The following FOXA2 variants were observed in gnomAD, a reference collection of about 807,000 sequenced individuals.
FOXA2 encodes the protein hepatocyte nuclear factor 3-beta.
Under a neutral mutation model 33.3 loss-of-function variants are expected in FOXA2, and 9 were observed. The observed-to-expected ratio is 0.27, with a 90% CI of 0.16 to 0.47. The LOEUF is 0.47. Among genes scored for constraint, FOXA2 ranks in the 20% least tolerant of loss-of-function variants. FOXA2 has a pLI of 0.99. For missense variants in FOXA2, 704 were observed against 659.9 expected (o/e 1.07, Z -0.73); for synonymous variants, 329 against 289.4 (o/e 1.14, Z -1.39).
Position 22,582,231 on chromosome 20 carries a change from G to T in FOXA2, c.1011C>A (p.Ser337Arg). The T allele has an allele frequency of 3.4e-6, 5 of 1,486,064 alleles. No homozygotes were observed. Among genetic ancestry groups the T allele is most frequent in the Non-Finnish European group, 4.5e-6 (5 of 1,123,276 alleles). 92.1% of individuals were successfully genotyped at this position (1,486,064 alleles called of 1,614,324 possible). A position where few individuals can be genotyped will look rare whatever the true frequency, so the allele number is the denominator to read the frequency against. Residue 337 changes from serine (S) to arginine (R), a missense_variant, in exon 2 of 2, where the codon AGC becomes AGA. Physicochemically the swap from Ser to Arg is moderately radical, Grantham distance 110. This residue lies in a region of FOXA2 where 343 missense variants were observed against 274.8 expected (regional missense o/e 1.25). Coordinates refer to ENST00000419308, the MANE Select transcript of FOXA2 (RefSeq NM_021784.5). Reference protein sequence around the residue: ...ELKGTPAAALSPPEPAPSPGQ... With the variant: ...ELKGTPAAALRPPEPAPSPGQ... The stretch of plus-strand genomic sequence containing the variant: ...CGGGAGAGGGCGCCGGCTCTGGGGG[G>T]CTCAGCGCCGCAGCCGGCGTCCCCT...
rs922717603 is a variant in FOXA2 at position 22,584,404 on chromosome 20, T to C, written c.-126A>G. 24 of 572,756 alleles carry C rather than the reference T, an allele frequency of 4.2e-5. No individual in the cohort carries two copies. Among genetic ancestry groups the C allele is most frequent in the Non-Finnish European group, 5.5e-5 (18 of 325,238 alleles). The allele number at this position is 572,756 out of a possible 1,614,324, so 35.5% of individuals were successfully genotyped here. On this transcript the variant is annotated 5_prime_UTR_variant, in exon 1 of 2. Transcript: ENST00000419308. ...CTCCCTCTCTCGCGCTCCCTCTCCC[T>C]GGGCTCCACTCCCTCTCTCTCCCTG...
rs955822437 is a variant in FOXA2, at chr20:22,582,767, G to A, written c.475C>T (p.Arg159Cys). 6.2e-7 allele frequency: 1 copy of A among 1,614,144 alleles called. No individual in the cohort carries two copies. The highest frequency in any genetic ancestry group is 8.5e-7 in the Non-Finnish European group (1 of 1,180,002). The change falls in exon 2 of 2, where the codon CGC (arginine) becomes TGC (cysteine). Residue 159 changes from arginine to cysteine, a missense_variant. Arg to Cys is a radical substitution (Grantham distance 180, BLOSUM62 -3). Transcript: ENST00000419308. ...GGCGGCTTTGCGTGCGTGTAGCTGC[G>A]CCTGTAGGTCTTGGGGTCGCGGGCG... ...SRARDPKTYR[R>C]SYTHAKPPYS...
At chr20:22,583,204 G>A (rs1449891970) in intron 1 of FOXA2, 50 bp from the exon 2 acceptor site, 1 of 1,594,396 alleles carries the variant, frequency 6.3e-7, no homozygotes, top group Non-Finnish European at 8.5e-7. Flanking sequence ...ACCGCGGCTG[G>A]AGGGTGCCCA....
intron 1 of FOXA2, among the ~76,000 whole-genome samples, chr20:22,583,397 C>T (rs1255431273): frequency 6.6e-6 from 1 of 152,226 alleles, no homozygotes; most frequent in Non-Finnish European, 1.5e-5. Context: ...TAGCCCTTCT[C>T]CACCTCGCCC....
In FOXA2 at chr20:22,582,159, G is replaced by C; in HGVS notation, c.1083C>G (p.His361Gln). Residue 361 changes from histidine (H) to glutamine (Q), a missense_variant, in exon 2 of 2, where the codon CAC becomes CAG. This residue lies in a region of FOXA2 where 343 missense variants were observed against 274.8 expected (regional missense o/e 1.25). Transcript: ENST00000419308. ...GGTGGGCCTCAGGCGGCAGGCCCGG[G>C]TGGTGGGGCGGGCCCAGCAGGTGGG... ...AAAHLLGPPH[H>Q]PGLPPEAHLK... is the part of the protein sequence containing the mutation. 1 of 1,562,872 alleles carries C rather than the reference G, an allele frequency of 6.4e-7. No homozygotes were observed. The highest frequency in any genetic ancestry group is 8.7e-7 in the Non-Finnish European group (1 of 1,152,988).
intron 1 of FOXA2, 67 bp downstream of exon 1, chr20:22,584,125 G>A (rs978999086): frequency 2.0e-6 from 3 of 1,483,182 alleles, no homozygotes; most frequent in African/African-American, 1.4e-5. Flanking sequence ...CGAGGGAAGC[G>A]GTCCTGAGGT....
In FOXA2 at chr20:22,581,460, A is replaced by ATT; in HGVS notation, c.*388_*389dup. 10 of 155,032 alleles carry ATT rather than the reference A, an allele frequency of 6.5e-5. No homozygotes were observed. The highest frequency in any genetic ancestry group is 1.3e-4 in the Admixed American group (2 of 15,126). The allele number at this position is 155,032 out of a possible 1,614,324, so 9.6% of individuals were successfully genotyped here. A position where few individuals can be genotyped will look rare whatever the true frequency, so the allele number is the denominator to read the frequency against. ...GGTTTTACACCGAGTCACTCACAAA[A>ATT]TTTTTTTTTTTTTTTAAGTAAGACT... On this transcript the variant is annotated 3_prime_UTR_variant, in exon 2 of 2. Coordinates refer to ENST00000419308, the MANE Select transcript of FOXA2 (RefSeq NM_021784.5).
In FOXA2 at chr20:22,584,450, T is replaced by G. The variant is rs2122998944; in HGVS notation, c.-172A>C. The G allele has an allele frequency of 2.8e-5, 12 of 424,830 alleles. No individual in the cohort carries two copies. Among genetic ancestry groups the G allele is most frequent in the East Asian group, 5.7e-5 (1 of 17,668 alleles). The allele number at this position is 424,830 out of a possible 1,614,324, so 26.3% of individuals were successfully genotyped here. A position where few individuals can be genotyped will look rare whatever the true frequency, so the allele number is the denominator to read the frequency against. On this transcript the variant is annotated 5_prime_UTR_variant, in exon 1 of 2. Coordinates refer to ENST00000419308, the MANE Select transcript of FOXA2 (RefSeq NM_021784.5). ...CCCTGGGCAGGCCGGAGGCGGTAGTTGGAAGTGGGCGGGAGGTGGGGGGGG... is the reference window on the plus strand; with the variant it reads ...CCCTGGGCAGGCCGGAGGCGGTAGTGGGAAGTGGGCGGGAGGTGGGGGGGG...
chr20:22,581,856 G>A lies in FOXA2; in HGVS notation c.1386C>T (p.Ser462=). ...QGVYSRPIMN[S]S is the part of the protein sequence containing the mutation. The stretch of plus-strand genomic sequence containing the variant: ...GCCTGAAGCCGTCGTCTTCTTAAGA[G>A]GAGTTCATAATGGGCCGGGAGTACA... The change falls in exon 2 of 2, where the codon TCC becomes TCT. Residue 462 remains serine (S), a synonymous_variant. Transcript: ENST00000419308. 6.2e-7 allele frequency: 1 copy of A among 1,608,096 alleles called. No individual in the cohort carries two copies. The highest frequency in any genetic ancestry group is 1.1e-5 in the South Asian group (1 of 90,902).
In FOXA2 at chr20:22,582,069, C is replaced by G; in HGVS notation, c.1173G>C (p.Glu391Asp). ...PFSINNLMSS[E>D]QQHHHSHHHH... ...GGTGGTGGCTGTGGTGGTGCTGCTG[C>G]TCCGAGGACATGAGGTTGTTGATGG... The change falls in exon 2 of 2, where the codon GAG (glutamate) becomes GAC (aspartate). Residue 391 changes from glutamate (E) to aspartate (D), a missense_variant. Physicochemically the swap from Glu to Asp is conservative, Grantham distance 45. Coordinates refer to ENST00000419308, the MANE Select transcript of FOXA2 (RefSeq NM_021784.5). 1 of 1,613,752 alleles carries G rather than the reference C, an allele frequency of 6.2e-7. No homozygotes were observed.
Position 22,582,347 on chromosome 20 carries a change from G to T in FOXA2, c.895C>A (p.Pro299Thr). ...SQAQLGEAAG[P>T]ASETPAGTES... The stretch of plus-strand genomic sequence containing the variant: ...GTGCCCGCCGGAGTCTCGGAGGCCG[G>T]CCCGGCGGCCTCCCCGAGTTGAGCC... Residue 299 changes from proline (P) to threonine (T), a missense_variant, in exon 2 of 2, where the codon CCG becomes ACG. Physicochemically the swap from Pro to Thr is conservative, Grantham distance 38 (BLOSUM62 -1). Around this residue, in one of 5 missense-constraint regions of FOXA2, gnomAD observed 343 missense variants for 274.8 expected, o/e 1.25. Coordinates refer to ENST00000419308, the MANE Select transcript of FOXA2 (RefSeq NM_021784.5). The T allele has an allele frequency of 6.8e-7, 1 of 1,480,522 alleles. No individual in the cohort carries two copies. 91.7% of individuals were successfully genotyped at this position (1,480,522 alleles called of 1,614,324 possible). A position where few individuals can be genotyped will look rare whatever the true frequency, so the allele number is the denominator to read the frequency against.
At position 22,582,004 on chromosome 20, in the gene FOXA2, T is replaced by G; in HGVS notation, c.1238A>C (p.Gln413Pro). Residue 413 changes from glutamine (Q) to proline (P), a missense_variant, in exon 2 of 2, where the codon CAG becomes CCG. Gln to Pro is a moderately conservative substitution (Grantham distance 76). This residue lies in a region of FOXA2 where 343 missense variants were observed against 274.8 expected (regional missense o/e 1.25). Coordinates refer to ENST00000419308, the MANE Select transcript of FOXA2 (RefSeq NM_021784.5). ...ACCGTAGCCGGGGTAGTGCATCACC[T>G]GTTCGTAGGCCTTGAGGTCCATTTT... ...PHKMDLKAYE[Q>P]VMHYPGYGSP... 6.2e-7 allele frequency: 1 copy of G among 1,614,190 alleles called. No homozygotes were observed. The highest frequency in any genetic ancestry group is 2.2e-5 in the East Asian group (1 of 44,858).
rs1984551185 is a variant in FOXA2 at position 22,581,031 on chromosome 20, G to A, written c.*819C>T. On this transcript the variant is annotated 3_prime_UTR_variant, in exon 2 of 2. Coordinates refer to ENST00000419308, the MANE Select transcript of FOXA2 (RefSeq NM_021784.5). ...TGTCTGAAAATTTTATTAATAAAAT[G>A]TTGGGAAAACAGCAACACTCCCTGG... is the stretch of plus-strand genomic sequence containing the variant. 6.6e-6 allele frequency: 1 copy of A among 152,192 alleles called. No homozygotes were observed. The highest frequency in any genetic ancestry group is 1.5e-5 in the Non-Finnish European group (1 of 68,038). 9.4% of individuals were successfully genotyped at this position (152,192 alleles called of 1,614,324 possible).
At position 22,581,673 on chromosome 20, in the gene FOXA2, G is replaced by A. The variant is rs1974; in HGVS notation, c.*177C>T. On this transcript the variant is annotated 3_prime_UTR_variant, in exon 2 of 2. Coordinates refer to ENST00000419308, the MANE Select transcript of FOXA2 (RefSeq NM_021784.5). ...TGTGGCCCTCTGTTTGGGACGGAAC[G>A]GCTGCAGCGGGTGAAGAAGACTGCT... 55,141 of 607,368 alleles carry A rather than the reference G, an allele frequency of 0.091. 6,507 individuals are homozygous for A. Among genetic ancestry groups the A allele is most frequent in the African/African-American group, 0.43 (23,195 of 53,776 alleles). 37.6% of individuals were successfully genotyped at this position (607,368 alleles called of 1,614,324 possible). A position where few individuals can be genotyped will look rare whatever the true frequency, so the allele number is the denominator to read the frequency against.
upstream of FOXA2, among the ~76,000 whole-genome samples, chr20:22,584,674 G>GAGGAGAAGA (rs1156837453): frequency 8.5e-6 from 1 of 117,706 alleles, no homozygotes; most frequent in Non-Finnish European, 1.8e-5. Context: ...GGTGGTGGTG[G>GAGGAGAAGA]AGGAGGAGGA....
chr20:22,581,144 A>C lies in FOXA2; in HGVS notation c.*706T>G, dbSNP rs1453009378. 1.3e-5 allele frequency: 2 copies of C among 152,680 alleles called. No homozygotes were observed. Among genetic ancestry groups the C allele is most frequent in the Non-Finnish European group, 2.9e-5 (2 of 68,044 alleles). 9.5% of individuals were successfully genotyped at this position (152,680 alleles called of 1,614,324 possible). A position where few individuals can be genotyped will look rare whatever the true frequency, so the allele number is the denominator to read the frequency against. On this transcript the variant is annotated 3_prime_UTR_variant, in exon 2 of 2. Coordinates refer to ENST00000419308, the MANE Select transcript of FOXA2 (RefSeq NM_021784.5). ...CCAAGCCTGTATATTTTGTAAGCCA[A>C]GTAAAGAAAAGAAAAATCTGGAAGA...
At position 22,582,954 on chromosome 20, in the gene FOXA2, C is replaced by G; in HGVS notation, c.288G>C (p.Met96Ile). The G allele has an allele frequency of 6.3e-7, 1 of 1,595,154 alleles. No homozygotes were observed. Among genetic ancestry groups the G allele is most frequent in the Non-Finnish European group, 8.5e-7 (1 of 1,174,360 alleles). Residue 96 changes from methionine (M) to isoleucine (I), a missense_variant, in exon 2 of 2, where the codon ATG becomes ATC. Transcript: ENST00000419308. ...CGCCGGCCGCCCCGGCCGAGCCGCCCATGCCCGCCATGGCGCCCGCGCCGG... is the reference window on the plus strand; with the variant it reads ...CGCCGGCCGCCCCGGCCGAGCCGCCGATGCCCGCCATGGCGCCCGCGCCGG... ...MSPGAGAMAGMGGSAGAAGVA... is the reference protein window; with the variant it reads ...MSPGAGAMAGIGGSAGAAGVA...
At position 22,584,336 on chromosome 20, in the gene FOXA2, C is replaced by T; in HGVS notation, c.-58G>A. 1 of 1,473,600 alleles carries T rather than the reference C, an allele frequency of 6.8e-7. No individual in the cohort carries two copies. Among genetic ancestry groups the T allele is most frequent in the Non-Finnish European group, 9.4e-7 (1 of 1,063,822 alleles). The allele number at this position is 1,473,600 out of a possible 1,614,324, so 91.3% of individuals were successfully genotyped here. ...ACCAGCAATCACCCCCCACCCCCACCCTCTTTTAAAAAAAAGTCAGCCAAA... is the reference window on the plus strand; with the variant it reads ...ACCAGCAATCACCCCCCACCCCCACTCTCTTTTAAAAAAAAGTCAGCCAAA... On this transcript the variant is annotated 5_prime_UTR_variant, in exon 1 of 2. Coordinates refer to ENST00000419308, the MANE Select transcript of FOXA2 (RefSeq NM_021784.5).
Position 22,582,722 on chromosome 20 carries a change from T to C in FOXA2, c.520A>G (p.Ile174Val). 1 of 1,614,136 alleles carries C rather than the reference T, an allele frequency of 6.2e-7. No individual in the cohort carries two copies. Among genetic ancestry groups the C allele is most frequent in the Non-Finnish European group, 8.5e-7 (1 of 1,180,022 alleles). The change falls in exon 2 of 2, where the codon ATC (isoleucine) becomes GTC (valine). Residue 174 changes from isoleucine to valine, a missense_variant. Coordinates refer to ENST00000419308, the MANE Select transcript of FOXA2 (RefSeq NM_021784.5). ...AKPPYSYISL[I>V]TMAIQQSPNK... ...GGGCTCTGCTGGATGGCCATGGTGA[T>C]GAGCGAGATGTACGAGTAGGGCGGC...
Sources: allele counts gnomAD v4.1 joint callset (sites outside exome capture counted in the v4.1 genomes callset), GRCh38; gene constraint gnomAD v4.1.1; regional missense constraint gnomAD v4.1.1; transcripts MANE v1.5; gene names NCBI Gene and HGNC (gene_info 2026-07-23, HGNC 2026-07-21).